The following PIK3AP1 variants were observed in gnomAD, a reference collection of about 807,000 sequenced individuals.
The protein encoded by PIK3AP1 is phosphoinositide-3-kinase adaptor protein 1, also known as phosphoinositide 3-kinase adapter protein 1.
In PIK3AP1, 21 loss-of-function variants were observed where a neutral mutation model predicts 88.1. The observed-to-expected ratio is 0.24, with a 90% CI of 0.17 to 0.34. The LOEUF is 0.34. PIK3AP1 is among the 10% of genes least tolerant of loss of function. The pLI is 1.00. For synonymous variants in PIK3AP1, 398 were observed against 400.0 expected (o/e 1.00, Z 0.06); for missense variants, 828 against 1,035.7 (o/e 0.80, Z 2.75).
At chr10:96,645,862 G>A (rs962480400) in intron 7 of PIK3AP1, among the ~76,000 whole-genome samples, 200 bp from the exon 8 acceptor site, 5 of 152,110 alleles carry the variant, frequency 3.3e-5, no homozygotes, top group South Asian at 2.1e-4. Context: ...TTTATTTCAC[G>A]TTTTTGTTTT....
chr10:96,672,801 G>T (rs754132786), intron 2 of PIK3AP1, among the ~76,000 whole-genome samples: 18 of 152,202 alleles, frequency 1.2e-4, no homozygotes, highest in Non-Finnish European at 2.2e-4. Flanking sequence ...CCTTCAGGAA[G>T]CTTTCCCAAA....
chr10:96,619,550 A>T (rs1460466175), intron 12 of PIK3AP1: 1 of 152,176 alleles, frequency 6.6e-6, no homozygotes, highest in Non-Finnish European at 1.5e-5. Flanking sequence ...CGTGTCCCTT[A>T]ACCTCCTGAG....
chr10:96,603,081 C>T (rs533128026), intron 15 of PIK3AP1, among the ~76,000 whole-genome samples: 2 of 152,296 alleles, frequency 1.3e-5, no homozygotes, highest in Admixed American at 1.3e-4. Context: ...TGCTCCTTCC[C>T]ACAGATGCCC....
At position 96,645,564 on chromosome 10, in the gene PIK3AP1, G is replaced by A. The variant is rs745786992; in HGVS notation, c.1284C>T (p.Asp428=). The A allele has an allele frequency of 1.9e-6, 3 of 1,613,892 alleles. No individual in the cohort carries two copies. Among genetic ancestry groups the A allele is most frequent in the Middle Eastern group, 1.6e-4 (1 of 6,084 alleles). Residue 428 remains aspartate, a synonymous_variant, in exon 8 of 17, where the codon GAC becomes GAT. Transcript: ENST00000339364. ...VYESMAHLST[D]LLMKCSLNPG... ...GGTTGAGCGAGCATTTCATAAGCAG[G>A]TCTGTGGAAAGGTGGGCCATGGACT...
intron 2 of PIK3AP1, among the ~76,000 whole-genome samples, chr10:96,696,834 G>T (rs1287897102): frequency 6.6e-6 from 1 of 152,176 alleles, no homozygotes; most frequent in Non-Finnish European, 1.5e-5. Flanking sequence ...TATTGTGAAG[G>T]ATAATTTGTT....
In PIK3AP1 at chr10:96,658,514, G is replaced by A. The variant is rs144742382; in HGVS notation, c.431-1580C>T. On this transcript the variant is annotated intron_variant, in intron 2 of 16. Coordinates refer to ENST00000339364, the MANE Select transcript of PIK3AP1 (RefSeq NM_152309.3). ...GGCCTCAGTACCACCGTATCCTATT[G>A]CTGTAACTATAAGACCCTGACCCCT... is the stretch of plus-strand genomic sequence containing the variant. Among the ~76,000 whole-genome samples the A allele has an allele frequency of 4.7e-3, 718 of 152,260 alleles. 6 individuals carry two copies. The highest frequency in any genetic ancestry group is 0.017 in the African/African-American group (693 of 41,534).
intron 11 of PIK3AP1, 132 bp from the exon 12 acceptor site, chr10:96,620,689 A>AG (rs1198234213): frequency 9.9e-6 from 7 of 704,730 alleles, no homozygotes; most frequent in Non-Finnish European, 1.7e-5. Context: ...GTGGCCAAGA[A>AG]GGGGGAGATA....
intron 2 of PIK3AP1, 106 bp downstream of exon 2, chr10:96,709,461 C>T: frequency 2.2e-6 from 3 of 1,352,770 alleles, no homozygotes; most frequent in Non-Finnish European, 3.0e-6. Context: ...ATGACCAGGT[C>T]TCTTAACATA....
In PIK3AP1 at chr10:96,705,951, T is replaced by A. The variant is rs944903459; in HGVS notation, c.430+3616A>T. On this transcript the variant is annotated intron_variant, in intron 2 of 16. Transcript: ENST00000339364. The stretch of plus-strand genomic sequence containing the variant: ...ATCTGTCACTCAGGCTGGAGTGCAG[T>A]GGTGCCATCTCGGCTCACTGCAAGC... Among the ~76,000 whole-genome samples the A allele has an allele frequency of 3.7e-5, 5 of 133,622 alleles. No homozygotes were observed. The South Asian group carries it at 1.0e-3, about 28-fold the overall frequency. 87.7% of individuals were successfully genotyped at this position (133,622 alleles called of 152,430 possible).
At chr10:96,620,288 C>G in intron 12 of PIK3AP1, 64 bp downstream of exon 12, 1 of 1,537,242 alleles carries the variant, frequency 6.5e-7, no homozygotes, top group Non-Finnish European at 9.0e-7. Flanking sequence ...AGCCATGGCC[C>G]AGCCCTCCTC....
chr10:96,597,989 A>G (rs560855762), intron 16 of PIK3AP1, among the ~76,000 whole-genome samples: 43 of 151,604 alleles, frequency 2.8e-4, no homozygotes, highest in African/African-American at 1.0e-3. Flanking sequence ...TCTCAAGGAA[A>G]CTTATTTATA....
At chr10:96,662,895 A>G (rs1589523672) in intron 2 of PIK3AP1, among the ~76,000 whole-genome samples, 1 of 132,802 alleles carries the variant, frequency 7.5e-6, no homozygotes, top group Non-Finnish European at 1.6e-5. Flanking sequence ...TCTCAAAAAA[A>G]AAAAAAAAAA....
intron 13 of PIK3AP1, among the ~76,000 whole-genome samples, chr10:96,610,796 A>G (rs1333589326): frequency 1.3e-5 from 2 of 152,184 alleles, no homozygotes; most frequent in Admixed American, 6.5e-5. Context: ...GAGTAGAAAA[A>G]AAGTCTGGGG....
At chr10:96,651,692 A>G in intron 4 of PIK3AP1, 41 bp from the exon 5 acceptor site, 1 of 1,604,996 alleles carries the variant, frequency 6.2e-7, no homozygotes, top group Non-Finnish European at 8.5e-7. Context: ...CCCAGGAAAA[A>G]CAAGCATCCA....
chr10:96,609,666 G>A, intron 14 of PIK3AP1, 46 bp downstream of exon 14: 1 of 1,594,358 alleles, frequency 6.3e-7, no homozygotes, highest in African/African-American at 1.4e-5. Flanking sequence ...GGTGCCAGCT[G>A]GAGCCCAGTC....
chr10:96,631,342 A>C (rs1843242132), intron 8 of PIK3AP1, among the ~76,000 whole-genome samples: 1 of 152,182 alleles, frequency 6.6e-6, no homozygotes, highest in African/African-American at 2.4e-5. Context: ...GCCTCATGCA[A>C]TGGTCCAGCT....
intron 8 of PIK3AP1, among the ~76,000 whole-genome samples, chr10:96,635,891 C>T (rs1027661107): frequency 2.0e-5 from 3 of 151,588 alleles, no homozygotes; most frequent in Non-Finnish European, 2.9e-5. Flanking sequence ...GGCAACAGAG[C>T]GAGACTCCAT....
intron 1 of PIK3AP1, among the ~76,000 whole-genome samples, chr10:96,718,001 G>C (rs80078959): frequency 6.6e-6 from 1 of 152,284 alleles, no homozygotes; most frequent in East Asian, 1.9e-4. Flanking sequence ...ACTGATATAA[G>C]CTACAGTGGG....
At chr10:96,670,082 G>A (rs1342365439) in intron 2 of PIK3AP1, among the ~76,000 whole-genome samples, 1 of 149,396 alleles carries the variant, frequency 6.7e-6, no homozygotes, top group Non-Finnish European at 1.5e-5. Flanking sequence ...AGCTGAGGCA[G>A]GAGAATAACT....
Sources: allele counts gnomAD v4.1 joint callset (sites outside exome capture counted in the v4.1 genomes callset), GRCh38; gene constraint gnomAD v4.1.1; transcripts MANE v1.5; gene names NCBI Gene and HGNC (gene_info 2026-07-23, HGNC 2026-07-21).